Variants in CCDC180 observed in about 807,000 individuals in gnomAD.
CCDC180 encodes the protein coiled-coil domain containing 180.
CCDC180 carries 154 observed loss-of-function variants against 209.2 expected under a neutral mutation model. That is an observed-to-expected ratio of 0.74 (90% CI 0.65 to 0.84). The LOEUF is 0.84. Ranked by LOEUF, CCDC180 falls within the 40% of genes least tolerant of loss-of-function variation. The probability of loss-of-function intolerance (pLI) is 0.00; values close to 1 mark genes in which losing one functional copy is unlikely to be tolerated. For synonymous variants in CCDC180, 778 were observed against 749.1 expected, an observed-to-expected ratio of 1.04 and a Z score of -0.63; for missense variants, 1,874 against 1,997.3, an observed-to-expected ratio of 0.94 and a Z score of 1.18.
In CCDC180 at chr9:97,330,501, C is replaced by G; in HGVS notation, c.2008C>G (p.Leu670Val). Residue 670 changes from leucine (L) to valine (V), a missense_variant, in exon 18 of 37, where the codon CTG (leucine) becomes GTG (valine). By Grantham distance (32) the Leu-to-Val change is conservative. Transcript: ENST00000529487. The stretch of plus-strand genomic sequence containing the variant: ...GGAGTCCTTCATAACTGAAGAGGTG[C>G]TGGGGCAGCAGAAAAAATCTCCACT... The part of the protein sequence containing the change: ...EMESFITEEV[L>V]GQQKKSPLHA... 4 of 1,614,078 alleles carry G rather than the reference C, an allele frequency of 2.5e-6. No homozygotes were observed. Among genetic ancestry groups the G allele is most frequent in the East Asian group, 2.2e-5 (1 of 44,878 alleles).
chr9:97,325,238 A>C (rs1436135564), intron 14 of CCDC180, 46 bp downstream of exon 14: 1 of 1,542,206 alleles, frequency 6.5e-7, no homozygotes, highest in East Asian at 2.4e-5. Flanking sequence ...ACAAACAGCA[A>C]TGAACTCAAA....
intron 3 of CCDC180, among the ~76,000 whole-genome samples, chr9:97,309,823 G>T (rs1245654534): frequency 2.0e-5 from 3 of 152,170 alleles, no homozygotes; most frequent in Admixed American, 6.5e-5. Flanking sequence ...CTAGGACCAG[G>T]CACTGGGTAT....
chr9:97,352,611 G>A (rs1039414867), intron 22 of CCDC180, among the ~76,000 whole-genome samples: 2 of 152,106 alleles, frequency 1.3e-5, no homozygotes, highest in African/African-American at 4.8e-5. Flanking sequence ...CATTTTCTGA[G>A]CCCCAAGAGT....
At chr9:97,315,682 T>C (rs1290262195) in intron 8 of CCDC180, among the ~76,000 whole-genome samples, 1 of 152,118 alleles carries the variant, frequency 6.6e-6, no homozygotes, top group African/African-American at 2.4e-5. Context: ...GGCAGCACAG[T>C]AGGCTGAAAA....
intron 18 of CCDC180, among the ~76,000 whole-genome samples, chr9:97,338,527 C>G (rs924114406): frequency 6.6e-6 from 1 of 152,144 alleles, no homozygotes; most frequent in Non-Finnish European, 1.5e-5. Flanking sequence ...GTCTGAGAGA[C>G]AGTTTGTTGT....
Position 97,331,040 on chromosome 9 carries a change from A to G in CCDC180, c.2274+273A>G, listed in dbSNP as rs988100621. Among the ~76,000 whole-genome samples, 11 of 149,882 alleles carry G rather than the reference A, an allele frequency of 7.3e-5. No individual in the cohort carries two copies. The East Asian group carries it at 9.7e-4, about 13-fold the overall frequency. On this transcript the variant is annotated intron_variant, in intron 18 of 36. Coordinates refer to ENST00000529487, the MANE Select transcript of CCDC180 (RefSeq NM_020893.6). Reference sequence around the variant, plus strand: ...AGCGGGCTAATAAGCATAGTACCCAATAGTTGTTGTTTTTTTTTCTGATCC... The same window carrying G: ...AGCGGGCTAATAAGCATAGTACCCAGTAGTTGTTGTTTTTTTTTCTGATCC...
Position 97,349,245 on chromosome 9 carries a change from A to T in CCDC180, c.2809A>T (p.Ile937Phe), listed in dbSNP as rs1306587916. Residue 937 changes from isoleucine to phenylalanine, a missense_variant, in exon 21 of 37, where the codon ATC (isoleucine) becomes TTC (phenylalanine). Physicochemically the swap from Ile to Phe is conservative, Grantham distance 21 (BLOSUM62 0). Coordinates refer to ENST00000529487, the MANE Select transcript of CCDC180 (RefSeq NM_020893.6). ...GAGGAGCAAAAACTTCCGCCTTAAGATCTATGACATGGAGCACATCTTCTT... is the reference window on the plus strand; with the variant it reads ...GAGGAGCAAAAACTTCCGCCTTAAGTTCTATGACATGGAGCACATCTTCTT... ...NVRSKNFRLKIYDMEHIFLNA... is the reference protein window; with the variant it reads ...NVRSKNFRLKFYDMEHIFLNA... The T allele has an allele frequency of 6.5e-7, 1 of 1,536,628 alleles. No individual in the cohort carries two copies. Among genetic ancestry groups the T allele is most frequent in the Non-Finnish European group, 8.7e-7 (1 of 1,147,024 alleles).
chr9:97,374,451 G>A, intron 34 of CCDC180, 92 bp from the exon 35 acceptor site: 2 of 942,272 alleles, frequency 2.1e-6, no homozygotes, highest in Non-Finnish European at 3.2e-6. Context: ...AGGGGTGCCA[G>A]TCCTCCCTTT....
At position 97,330,515 on chromosome 9, in the gene CCDC180, A is replaced by T; in HGVS notation, c.2022A>T (p.Lys674Asn). The T allele has an allele frequency of 6.2e-7, 1 of 1,614,180 alleles. No individual in the cohort carries two copies. Among genetic ancestry groups the T allele is most frequent in the East Asian group, 2.2e-5 (1 of 44,880 alleles). ...CTGAAGAGGTGCTGGGGCAGCAGAA[A>T]AAATCTCCACTGCATGCTAAGATGG... ...FITEEVLGQQKKSPLHAKMDE... is the reference protein window; with the variant it reads ...FITEEVLGQQNKSPLHAKMDE... The change falls in exon 18 of 37, where the codon AAA (lysine) becomes AAT (asparagine). Residue 674 changes from lysine (K) to asparagine (N), a missense_variant. Coordinates refer to ENST00000529487, the MANE Select transcript of CCDC180 (RefSeq NM_020893.6).
At chr9:97,354,817 C>A (rs1324362255) in intron 23 of CCDC180, 75 bp from the exon 24 acceptor site, 9 of 1,560,596 alleles carry the variant, frequency 5.8e-6, no homozygotes, top group Non-Finnish European at 7.9e-6. Flanking sequence ...TTCACTGGGC[C>A]TGTCCCCCTC....
At chr9:97,363,274 G>A (rs756455871) in intron 28 of CCDC180, among the ~76,000 whole-genome samples, 1 of 152,184 alleles carries the variant, frequency 6.6e-6, no homozygotes, top group Non-Finnish European at 1.5e-5. Context: ...ATTAAGTCCT[G>A]GCCATTTGGG....
chr9:97,360,683 C>T (rs937738286), intron 26 of CCDC180, among the ~76,000 whole-genome samples: 2 of 152,176 alleles, frequency 1.3e-5, no homozygotes, highest in African/African-American at 4.8e-5. Context: ...TAAGATGTCA[C>T]TCCCCACCAA....
intron 5 of CCDC180, among the ~76,000 whole-genome samples, chr9:97,314,111 C>T (rs879818066): frequency 1.3e-5 from 2 of 152,228 alleles, no homozygotes; most frequent in South Asian, 4.1e-4. Context: ...CATTTGGCCA[C>T]GTCTTTAATG....
rs1290430471 is a variant in CCDC180, at chr9:97,374,601, C to T, written c.4659C>T (p.Leu1553=). 6.2e-7 allele frequency: 1 copy of T among 1,614,136 alleles called. No individual in the cohort carries two copies. Among genetic ancestry groups the T allele is most frequent in the Admixed American group, 1.7e-5 (1 of 60,024 alleles). The change falls in exon 35 of 37, where the codon CTC becomes CTT. Residue 1553 remains leucine, a synonymous_variant. Transcript: ENST00000529487. ...SMLIRRKLAG[L]SLKEESEKPL... ...TCATACGAAGGAAACTCGCTGGGCT[C>T]TCCCTGAAGGAAGAGAGTGAGAAAC...
At chr9:97,312,691 C>T (rs1833028542) in intron 4 of CCDC180, among the ~76,000 whole-genome samples, 1 of 136,376 alleles carries the variant, frequency 7.3e-6, no homozygotes, top group African/African-American at 2.8e-5. Context: ...CCCACCCCAA[C>T]CCACCCCCGG....
In CCDC180 at chr9:97,366,886, T is replaced by G. The variant is rs1218789216; in HGVS notation, c.4189+186T>G. Among the ~76,000 whole-genome samples the G allele has an allele frequency of 1.3e-5, 2 of 152,238 alleles. No homozygotes were observed. The highest frequency in any genetic ancestry group is 6.5e-5 in the Admixed American group (1 of 15,288). On this transcript the variant is annotated intron_variant, in intron 31 of 36. Coordinates refer to ENST00000529487, the MANE Select transcript of CCDC180 (RefSeq NM_020893.6). This position sits in a 1 kb window ranked among gnomAD's most constrained non-coding sequence, Gnocchi z 4.3. ...AGATTTTACTGGGGAAATGCGACCA[T>G]GCAAGAAAAAAGTTCACTTTTCTTG...
At position 97,311,227 on chromosome 9, in the gene CCDC180, A is replaced by T. The variant is rs56722069; in HGVS notation, c.261-886A>T. 9.3e-3 allele frequency among the ~76,000 whole-genome samples: 1,414 copies of T among 152,296 alleles called. 41 individuals carry two copies. The East Asian group carries it at 0.095, about 10-fold the overall frequency. On this transcript the variant is annotated intron_variant, in intron 3 of 36. Transcript: ENST00000529487. ...AAGTGACCAAGAAGCTGGAGTTGAC[A>T]GCAGGTGTCATCATCTCAGCTCCTA...
At chr9:97,352,939 ACG>A (rs1826461746) in intron 22 of CCDC180, among the ~76,000 whole-genome samples, 3 of 146,932 alleles carry the variant, frequency 2.0e-5, no homozygotes, top group Non-Finnish European at 4.4e-5. Context: ...ATATACATAT[ACG>A]TATGTATATA....
intron 33 of CCDC180, 36 bp downstream of exon 33, chr9:97,370,814 C>G (rs1321753721): frequency 1.9e-6 from 3 of 1,606,050 alleles, no homozygotes; most frequent in African/African-American, 1.3e-5. Flanking sequence ...TCCAGGCATG[C>G]TCCAAATATA....
Sources: allele counts gnomAD v4.1 joint callset (sites outside exome capture counted in the v4.1 genomes callset), GRCh38; gene constraint gnomAD v4.1.1; non-coding constraint Gnocchi (gnomAD v3.1); transcripts MANE v1.5; gene names NCBI Gene and HGNC (gene_info 2026-07-23, HGNC 2026-07-21).